Variants in FOXN3 observed in about 807,000 individuals in gnomAD.
FOXN3 encodes the protein forkhead box protein N3.
In FOXN3, 7 loss-of-function variants were observed where a neutral mutation model predicts 38.4. The observed-to-expected ratio is 0.18, with a 90% CI of 0.10 to 0.34. The LOEUF is 0.34. Ranked by LOEUF, FOXN3 falls within the 10% of genes least tolerant of loss-of-function variation. The pLI is 1.00. For synonymous variants in FOXN3, 230 were observed against 242.2 expected, an observed-to-expected ratio of 0.95 and a Z score of 0.47; for missense variants, 456 against 613.4, an observed-to-expected ratio of 0.74 and a Z score of 2.71.
At chr14:89,315,075 G>A (rs970026673) in intron 3 of FOXN3, among the ~76,000 whole-genome samples, 12 of 151,910 alleles carry the variant, frequency 7.9e-5, no homozygotes, top group Non-Finnish European at 1.6e-4. Flanking sequence ...TTTGATACCA[G>A]ATCAGCCCCC....
intron 1 of FOXN3, among the ~76,000 whole-genome samples, chr14:89,606,826 C>T (rs1032895297): frequency 2.0e-5 from 3 of 151,268 alleles, no homozygotes; most frequent in Non-Finnish European, 4.4e-5. Flanking sequence ...CCAGCCTGGG[C>T]GACAATAGCG....
At chr14:89,580,465 GC>G (rs986216062) in intron 1 of FOXN3, among the ~76,000 whole-genome samples, 7 of 152,188 alleles carry the variant, frequency 4.6e-5, no homozygotes, top group Admixed American at 4.6e-4. Flanking sequence ...ACATAACAGT[GC>G]CATATATGGA....
intron 4 of FOXN3, among the ~76,000 whole-genome samples, chr14:89,188,404 G>T (rs1887863065): frequency 6.6e-6 from 1 of 152,166 alleles, no homozygotes; most frequent in South Asian, 2.1e-4. Flanking sequence ...ATCTGTGAAG[G>T]ATCAATCAGT....
chr14:89,177,203 G>A (rs541005452), intron 5 of FOXN3, among the ~76,000 whole-genome samples: 56 of 152,082 alleles, frequency 3.7e-4, no homozygotes, highest in African/African-American at 1.3e-3. Flanking sequence ...TAGAGATGAT[G>A]TTTCACCATG....
chr14:89,180,172 G>A (rs1001748044), intron 5 of FOXN3, among the ~76,000 whole-genome samples: 2 of 152,244 alleles, frequency 1.3e-5, no homozygotes, highest in Non-Finnish European at 2.9e-5. Context: ...GGGTTCATGC[G>A]GTTTGGCAGC....
At chr14:89,356,086 G>C (rs77172351) in intron 2 of FOXN3, among the ~76,000 whole-genome samples, 1 of 151,350 alleles carries the variant, frequency 6.6e-6, no homozygotes, top group Non-Finnish European at 1.5e-5. Context: ...AAAAAAAAAA[G>C]TATGATTTTT....
At chr14:89,302,820 C>T (rs1213596509) in intron 3 of FOXN3, among the ~76,000 whole-genome samples, 4 of 152,062 alleles carry the variant, frequency 2.6e-5, no homozygotes, top group Non-Finnish European at 4.4e-5. Flanking sequence ...CAAAGGCTGC[C>T]CACCTCCGCC....
chr14:89,284,306 G>A, intron 3 of FOXN3: 3 of 358,234 alleles, frequency 8.4e-6, no homozygotes, highest in Admixed American at 3.5e-5. Flanking sequence ...TACCATGCCC[G>A]GCCACCTTCC....
At chr14:89,374,265 A>G (rs1890406381) in intron 2 of FOXN3, among the ~76,000 whole-genome samples, 2 of 111,188 alleles carry the variant, frequency 1.8e-5, no homozygotes, top group Admixed American at 8.1e-5. Flanking sequence ...CCTTGTCTCA[A>G]AAAAAAAAAA....
chr14:89,322,795 G>A (rs1887932747), intron 3 of FOXN3, among the ~76,000 whole-genome samples: 1 of 152,114 alleles, frequency 6.6e-6, no homozygotes, highest in South Asian at 2.1e-4. Context: ...CAGCTATCCA[G>A]TTAGAAGGTC....
chr14:89,184,891 G>A (rs987126196), intron 4 of FOXN3, among the ~76,000 whole-genome samples: 3 of 152,166 alleles, frequency 2.0e-5, no homozygotes, highest in East Asian at 1.9e-4. Context: ...AAAGGGGTCC[G>A]GACATGGGGA....
At chr14:89,430,408 TCAGCACAGATAAACACAG>T (rs1480109773) in intron 1 of FOXN3, among the ~76,000 whole-genome samples, 1 of 152,232 alleles carries the variant, frequency 6.6e-6, no homozygotes, top group Non-Finnish European at 1.5e-5. Flanking sequence ...TTAGGCTTTT[TCAGCACAGATAAACACAG>T]CAGCAGGTTG....
intron 4 of FOXN3, among the ~76,000 whole-genome samples, chr14:89,268,768 C>T (rs1886059592): frequency 6.6e-6 from 1 of 152,186 alleles, no homozygotes; most frequent in Non-Finnish European, 1.5e-5. Context: ...CAGGGAGTTT[C>T]TGTAAGAAGC....
chr14:89,190,930 T>C (rs113140618), intron 4 of FOXN3, among the ~76,000 whole-genome samples: 32 of 152,250 alleles, frequency 2.1e-4, no homozygotes, highest in African/African-American at 7.2e-4. Flanking sequence ...AGAATGTAAA[T>C]TGTGTTTCAC....
rs544441520 is a variant in FOXN3, at chr14:89,310,873, G to A, written c.681-29859C>T. Among the ~76,000 whole-genome samples the A allele has an allele frequency of 4.7e-5, 7 of 149,442 alleles. No homozygotes were observed. In the East Asian group the frequency reaches 1.2e-3, roughly 26 times the overall value. On this transcript the variant is annotated intron_variant, in intron 3 of 5. Transcript: ENST00000557258. ...TGTAATCCCAGCACTTTGGGAGGCC[G>A]AGGCAGGCAGATCACCTGAGGTCAG...
chr14:89,394,370 AT>A (rs985757035), intron 2 of FOXN3, among the ~76,000 whole-genome samples: 4 of 151,084 alleles, frequency 2.6e-5, no homozygotes, highest in African/African-American at 9.7e-5. Flanking sequence ...CGCCCAGCTA[AT>A]TTTTTTTGTA....
At chr14:89,417,800 A>C (rs1460891482), upstream of FOXN3, 3 of 453,144 alleles carry the variant, frequency 6.6e-6, no homozygotes, top group Non-Finnish European at 1.3e-5. Flanking sequence ...CCCGGAGGTA[A>C]GCACCGCAGC....
intron 3 of FOXN3, among the ~76,000 whole-genome samples, chr14:89,300,530 T>C (rs1887187807): frequency 6.6e-6 from 1 of 152,166 alleles, no homozygotes; most frequent in Non-Finnish European, 1.5e-5. Flanking sequence ...TGGCTCCCGG[T>C]ACTTCCTATG....
At chr14:89,219,053 C>T (rs1884372963) in intron 4 of FOXN3, among the ~76,000 whole-genome samples, 1 of 152,168 alleles carries the variant, frequency 6.6e-6, no homozygotes, top group Non-Finnish European at 1.5e-5. Context: ...TCCCTTCTTC[C>T]CCTAAGAAAT....
Sources: gnomAD v4.1 joint callset for allele counts (sites outside exome capture counted in the v4.1 genomes callset) on GRCh38, gnomAD v4.1.1 for gene constraint, MANE v1.5 for transcripts, NCBI Gene and HGNC (gene_info 2026-07-23, HGNC 2026-07-21) for gene names.